TMEM132D: variants seen among roughly 807,000 people sequenced by gnomAD.
The protein encoded by TMEM132D is transmembrane protein 132D.
Under a neutral mutation model 62.3 loss-of-function variants are expected in TMEM132D, and 21 were observed. The ratio of observed to expected loss-of-function variants is 0.34; its 90% CI spans 0.24 to 0.49. The LOEUF is 0.49. TMEM132D is among the 20% of genes least tolerant of loss of function. TMEM132D has a pLI of 0.99. For missense variants in TMEM132D, 1,346 were observed against 1,402.8 expected, an observed-to-expected ratio of 0.96 and a Z score of 0.65; for synonymous variants, 621 against 575.6, an observed-to-expected ratio of 1.08 and a Z score of -1.13.
intron 5 of TMEM132D, among the ~76,000 whole-genome samples, chr12:129,186,196 G>A (rs1047678624): frequency 6.6e-6 from 1 of 152,312 alleles, no homozygotes; most frequent in South Asian, 2.1e-4. Flanking sequence ...GCCTCTGCAC[G>A]TGTAAAATTC....
At chr12:129,690,558 C>A (rs1489550220) in intron 2 of TMEM132D, among the ~76,000 whole-genome samples, 1 of 152,028 alleles carries the variant, frequency 6.6e-6, no homozygotes, top group South Asian at 2.1e-4. Context: ...AAATTCCAGA[C>A]AAAGCAGATT....
chr12:129,581,342 G>A (rs1230257790), intron 2 of TMEM132D, among the ~76,000 whole-genome samples: 1 of 152,180 alleles, frequency 6.6e-6, no homozygotes, highest in Non-Finnish European at 1.5e-5. Context: ...CGACTAATAG[G>A]ATAGATGTAT....
chr12:129,662,541 T>C (rs988987403), intron 2 of TMEM132D, among the ~76,000 whole-genome samples: 4 of 152,172 alleles, frequency 2.6e-5, no homozygotes, highest in Non-Finnish European at 5.9e-5. Context: ...ACGCCCATTA[T>C]CCCAGCACTT....
intron 4 of TMEM132D, among the ~76,000 whole-genome samples, chr12:129,305,287 G>C (rs1395531991): frequency 1.0e-5 from 1 of 98,082 alleles, no homozygotes; most frequent in Non-Finnish European, 2.2e-5. Flanking sequence ...CAAGCCTAAA[G>C]AATATTGCTG....
intron 5 of TMEM132D, among the ~76,000 whole-genome samples, chr12:129,198,500 C>T (rs534442495): frequency 6.6e-6 from 1 of 152,232 alleles, no homozygotes; most frequent in East Asian, 1.9e-4. Flanking sequence ...AACATTGTAT[C>T]ATTTTTGACA....
Position 129,677,318 on chromosome 12 carries a change from C to G in TMEM132D, c.968+22492G>C, listed in dbSNP as rs373794797. On this transcript the variant is annotated intron_variant, in intron 2 of 8. Coordinates refer to ENST00000422113, the MANE Select transcript of TMEM132D (RefSeq NM_133448.3). ...CCCTCCACAAGCTCTCTCTTTGTCTCCCACCATCCACATAAGACGTGACTT... is the reference window on the plus strand; with the variant it reads ...CCCTCCACAAGCTCTCTCTTTGTCTGCCACCATCCACATAAGACGTGACTT... Among the ~76,000 whole-genome samples the G allele has an allele frequency of 1.3e-4, 20 of 152,280 alleles. No homozygotes were observed. In the East Asian group the frequency reaches 2.9e-3, roughly 22 times the overall value.
rs569270005 is a variant in TMEM132D, at chr12:129,811,973, C to G, written c.79+91288G>C. ...CCACCTGACACATATATTTCAACCT[C>G]GTGAGATGCTGAGCAGAGACCCAGC... is the stretch of plus-strand genomic sequence containing the variant. On this transcript the variant is annotated intron_variant, in intron 1 of 8. Coordinates refer to ENST00000422113, the MANE Select transcript of TMEM132D (RefSeq NM_133448.3). 1.5e-4 allele frequency among the ~76,000 whole-genome samples: 23 copies of G among 151,898 alleles called. 1 individual carries two copies. The highest frequency in any genetic ancestry group is 4.8e-4 in the African/African-American group (20 of 41,458).
At chr12:129,213,738 C>A (rs1879118758) in intron 4 of TMEM132D, among the ~76,000 whole-genome samples, 1 of 152,080 alleles carries the variant, frequency 6.6e-6, no homozygotes, top group African/African-American at 2.4e-5. Context: ...TCCATCACTG[C>A]CCCACGCCCA....
intron 5 of TMEM132D, among the ~76,000 whole-genome samples, chr12:129,208,249 C>A (rs930476420): frequency 2.8e-4 from 43 of 152,026 alleles, no homozygotes; most frequent in African/African-American, 1.0e-3. Flanking sequence ...GAAGGCACTG[C>A]CAACAGGATT....
rs140530724 is a variant in TMEM132D at position 129,799,314 on chromosome 12, TAC to T, written c.80-98618_80-98617del. Among the ~76,000 whole-genome samples the T allele has an allele frequency of 6.6e-5, 10 of 151,900 alleles. No individual in the cohort carries two copies. The East Asian group carries it at 7.8e-4, about 12-fold the overall frequency. On this transcript the variant is annotated intron_variant, in intron 1 of 8. Coordinates refer to ENST00000422113, the MANE Select transcript of TMEM132D (RefSeq NM_133448.3). Reference sequence around the variant, plus strand: ...AACAAACAAACAAAAAATATATATATACACACACATATTATATATGTATATAT... The same window carrying T: ...AACAAACAAACAAAAAATATATATATACACACATATTATATATGTATATAT...
At chr12:129,106,726 T>C (rs958888070) in intron 5 of TMEM132D, among the ~76,000 whole-genome samples, 1 of 152,170 alleles carries the variant, frequency 6.6e-6, no homozygotes, top group Non-Finnish European at 1.5e-5. Flanking sequence ...TGGCGTGCTC[T>C]GGCCAATGAC....
At chr12:129,845,310 C>T (rs1873328417) in intron 1 of TMEM132D, among the ~76,000 whole-genome samples, 2 of 152,130 alleles carry the variant, frequency 1.3e-5, no homozygotes, top group Admixed American at 1.3e-4. Flanking sequence ...AATGTTATAG[C>T]CTAAGAGGAA....
chr12:129,127,881 G>T (rs1249737409), intron 5 of TMEM132D, among the ~76,000 whole-genome samples: 1 of 152,222 alleles, frequency 6.6e-6, no homozygotes, highest in Non-Finnish European at 1.5e-5. Context: ...GCCTGCAGAC[G>T]AGGCCGGCAC....
intron 5 of TMEM132D, among the ~76,000 whole-genome samples, chr12:129,171,064 A>G (rs1877711339): frequency 6.6e-6 from 1 of 152,208 alleles, no homozygotes; most frequent in Non-Finnish European, 1.5e-5. Flanking sequence ...TTTTACCCAC[A>G]GCAGAACTTC....
intron 3 of TMEM132D, among the ~76,000 whole-genome samples, chr12:129,380,376 A>G (rs986658812): frequency 6.6e-6 from 1 of 152,204 alleles, no homozygotes; most frequent in Non-Finnish European, 1.5e-5. Context: ...ATTGTAACTT[A>G]TATTGATATA....
intron 2 of TMEM132D, among the ~76,000 whole-genome samples, chr12:129,680,924 T>C (rs1309106347): frequency 6.6e-6 from 1 of 152,110 alleles, no homozygotes; most frequent in African/African-American, 2.4e-5. Flanking sequence ...GAGGAACAAT[T>C]TGGCATGAGT....
chr12:129,416,279 G>T (rs745849668), intron 3 of TMEM132D, among the ~76,000 whole-genome samples: 2 of 152,144 alleles, frequency 1.3e-5, no homozygotes, highest in African/African-American at 2.4e-5. Context: ...CATGTCCCCT[G>T]TAAGTTGTAT....
intron 1 of TMEM132D, 116 bp from the exon 2 acceptor site, chr12:129,700,814 C>T: frequency 8.3e-7 from 1 of 1,203,712 alleles, no homozygotes; most frequent in Non-Finnish European, 1.1e-6. Flanking sequence ...GCCAATTATG[C>T]AATTCCTTAT....
chr12:129,250,498 C>T (rs1342540001), intron 4 of TMEM132D, among the ~76,000 whole-genome samples: 1 of 152,224 alleles, frequency 6.6e-6, no homozygotes, highest in Non-Finnish European at 1.5e-5. Context: ...TCCTTCCTAA[C>T]TCTGATCCTC....
Sources: gnomAD v4.1 joint callset for allele counts (sites outside exome capture counted in the v4.1 genomes callset) on GRCh38, gnomAD v4.1.1 for gene constraint, MANE v1.5 for transcripts, NCBI Gene and HGNC (gene_info 2026-07-23, HGNC 2026-07-21) for gene names.